Variants in CES5A observed in about 807,000 individuals in gnomAD.
CES5A encodes the protein carboxylesterase 5A.
CES5A carries 67 observed loss-of-function variants against 62.9 expected under a neutral mutation model. The observed-to-expected ratio is 1.07, with a 90% confidence interval of 0.88 to 1.31. CES5A has a LOEUF of 1.31. Ranked by LOEUF, CES5A falls within the 50% of genes most tolerant of loss-of-function variation. CES5A has a pLI of 0.00. For synonymous variants in CES5A, 296 were observed against 280.8 expected (o/e 1.05, Z -0.54); for missense variants, 748 against 708.5 (o/e 1.06, Z -0.63).
intron 1 of CES5A, among the ~76,000 whole-genome samples, chr16:55,891,234 C>T (rs899967687): frequency 4.6e-5 from 7 of 152,198 alleles, no homozygotes; most frequent in African/African-American, 7.2e-5. Context: ...GCCACATGTC[C>T]GGAATAAGAA....
chr16:55,931,961 C>T (rs2034317410), intron 2 of CES5A, among the ~76,000 whole-genome samples: 2 of 152,302 alleles, frequency 1.3e-5, no homozygotes, highest in South Asian at 4.1e-4. Context: ...ACCAATGTCG[C>T]ATTATGAAGA....
At chr16:55,914,461 C>G (rs1250163959) in intron 1 of CES5A, among the ~76,000 whole-genome samples, 2 of 152,122 alleles carry the variant, frequency 1.3e-5, no homozygotes, top group Middle Eastern at 3.2e-3. Context: ...GGGGGTAACT[C>G]TGCTGTATCC....
At chr16:55,874,171 C>T (rs956194981) in intron 1 of CES5A, 134 bp from the exon 2 acceptor site, 2 of 760,088 alleles carry the variant, frequency 2.6e-6, no homozygotes, top group Non-Finnish European at 4.2e-6. Context: ...TCCAGGTTCC[C>T]TCTCCATGAA....
At chr16:55,859,724 T>C (rs1311511960) in intron 7 of CES5A, 37 bp from the exon 8 acceptor site, 1 of 1,575,746 alleles carries the variant, frequency 6.3e-7, no homozygotes, top group African/African-American at 1.4e-5. Flanking sequence ...TCAGCTATCA[T>C]CAGCTATTTC....
intron 2 of CES5A, among the ~76,000 whole-genome samples, chr16:55,936,140 C>T (rs545653901): frequency 1.3e-5 from 2 of 152,288 alleles, no homozygotes; most frequent in South Asian, 4.2e-4. Flanking sequence ...TCTGTCACCT[C>T]CAATCTTCCC....
At chr16:55,886,595 T>A (rs1377529977) in intron 1 of CES5A, among the ~76,000 whole-genome samples, 3 of 152,210 alleles carry the variant, frequency 2.0e-5, no homozygotes, top group African/African-American at 7.2e-5. Flanking sequence ...CTGCTCCGAA[T>A]GCCCACTGGC....
At chr16:55,925,270 T>A (rs1226304330) in intron 1 of CES5A, 3 of 151,954 alleles carry the variant, frequency 2.0e-5, no homozygotes, top group Non-Finnish European at 4.4e-5. Flanking sequence ...ATGTTCAACA[T>A]CACTAATCAT....
chr16:55,953,458 C>G (rs1418931171), intron 1 of CES5A, among the ~76,000 whole-genome samples: 1 of 152,036 alleles, frequency 6.6e-6, no homozygotes, highest in African/African-American at 2.4e-5. Context: ...AACAAGTTGA[C>G]TAGATATAAA....
At chr16:55,951,811 G>A (rs2034560690) in intron 1 of CES5A, among the ~76,000 whole-genome samples, 1 of 152,116 alleles carries the variant, frequency 6.6e-6, no homozygotes, top group South Asian at 2.1e-4. Flanking sequence ...AAAACTGAAG[G>A]ATATACACAG....
At chr16:55,949,173 G>A (rs2034528224) in intron 2 of CES5A, among the ~76,000 whole-genome samples, 1 of 152,224 alleles carries the variant, frequency 6.6e-6, no homozygotes, top group Admixed American at 6.5e-5. Flanking sequence ...AAGTTTAGCA[G>A]GCATGAGGTT....
chr16:55,871,616 C>A lies in CES5A; in HGVS notation c.417+9G>T. On this transcript the variant is annotated intron_variant, in intron 3 of 12. Coordinates refer to ENST00000290567, the MANE Select transcript of CES5A (RefSeq NM_001143685.2). Reference sequence around the variant, plus strand: ...GCTAGAGCCCGAAGCACACAGCAGGCAGCCTTACGGGGAGCTTGGAGCCTG... The same window carrying A: ...GCTAGAGCCCGAAGCACACAGCAGGAAGCCTTACGGGGAGCTTGGAGCCTG... 1 of 1,613,796 alleles carries A rather than the reference C, an allele frequency of 6.2e-7. No individual in the cohort carries two copies. The highest frequency in any genetic ancestry group is 8.5e-7 in the Non-Finnish European group (1 of 1,179,898).
chr16:55,847,787 G>T (rs191985762), intron 11 of CES5A, among the ~76,000 whole-genome samples: 2 of 152,014 alleles, frequency 1.3e-5, no homozygotes, highest in African/African-American at 2.4e-5. Context: ...TCATATTTCC[G>T]ATCTTTTGCT....
intron 1 of CES5A, among the ~76,000 whole-genome samples, chr16:55,905,036 C>G (rs1414180563): frequency 6.6e-6 from 1 of 152,182 alleles, no homozygotes; most frequent in Admixed American, 6.5e-5. Flanking sequence ...CTACCACACC[C>G]AAGCTCTATC....
intron 1 of CES5A, among the ~76,000 whole-genome samples, chr16:55,887,948 G>A (rs1177867625): frequency 5.3e-5 from 8 of 152,156 alleles, no homozygotes; most frequent in Admixed American, 5.2e-4. Context: ...ATGCAGTACT[G>A]ATTATGGCAA....
chr16:55,929,054 C>T (rs1310187894), upstream of CES5A, among the ~76,000 whole-genome samples: 3 of 152,214 alleles, frequency 2.0e-5, no homozygotes, highest in African/African-American at 7.2e-5. Flanking sequence ...AAGACACAGG[C>T]AGGTCCACAG....
intron 9 of CES5A, 82 bp downstream of exon 9, chr16:55,856,295 G>T: frequency 7.9e-7 from 1 of 1,258,322 alleles, no homozygotes; most frequent in Non-Finnish European, 1.2e-6. Flanking sequence ...CTGTGCCCTT[G>T]GCTTCTCCTG....
intron 4 of CES5A, 100 bp from the exon 5 acceptor site, chr16:55,866,216 G>A: frequency 8.6e-7 from 1 of 1,167,394 alleles, no homozygotes; most frequent in Non-Finnish European, 1.2e-6. Context: ...GGTCAGTGGG[G>A]AGGGGGCGGA....
chr16:55,873,758 AC>A, intron 2 of CES5A, 74 bp downstream of exon 2: 1 of 1,343,324 alleles, frequency 7.4e-7, no homozygotes, highest in Non-Finnish European at 1.0e-6. Context: ...CTCTTCTTTC[AC>A]ACTGGGCTGC....
intron 1 of CES5A, 146 bp downstream of exon 1, chr16:55,875,003 A>C: frequency 2.3e-6 from 2 of 862,156 alleles, no homozygotes; most frequent in South Asian, 2.8e-5. Flanking sequence ...GGTTCTCGGC[A>C]ACAGCAGAAT....
Sources: gnomAD v4.1 joint callset for allele counts (sites outside exome capture counted in the v4.1 genomes callset) on GRCh38, gnomAD v4.1.1 for gene constraint, MANE v1.5 for transcripts, NCBI Gene and HGNC (gene_info 2026-07-23, HGNC 2026-07-21) for gene names.